FOXP2: variants seen among roughly 807,000 people sequenced by gnomAD.
The protein encoded by FOXP2 is forkhead box protein P2.
FOXP2 carries 12 observed loss-of-function variants against 115.8 expected under a neutral mutation model. The observed-to-expected ratio is 0.10, with a 90% CI of 0.07 to 0.17. The LOEUF (loss-of-function observed/expected upper bound fraction) is 0.17. Among genes scored for constraint, FOXP2 ranks in the 10% least tolerant of loss-of-function variants. The pLI is 1.00. For synonymous variants in FOXP2, 328 were observed against 297.7 expected (o/e 1.10, Z -1.05); for missense variants, 629 against 843.5 (o/e 0.75, Z 3.15).
chr7:114,376,136 T>C (rs1403142618), intron 2 of FOXP2, among the ~76,000 whole-genome samples: 2 of 152,054 alleles, frequency 1.3e-5, no homozygotes, highest in African/African-American at 4.8e-5. Flanking sequence ...AGGAGAAAAA[T>C]GGAAGAGGTA....
intron 2 of FOXP2, among the ~76,000 whole-genome samples, chr7:114,314,854 C>A (rs1450674595): frequency 1.3e-5 from 2 of 152,130 alleles, no homozygotes; most frequent in African/African-American, 4.8e-5. Flanking sequence ...TCTCCATATT[C>A]CACTAAAACT....
At chr7:114,230,880 A>T (rs1006249001) in intron 1 of FOXP2, among the ~76,000 whole-genome samples, 13 of 151,906 alleles carry the variant, frequency 8.6e-5, no homozygotes, top group Admixed American at 5.9e-4. Context: ...AATGATGTAA[A>T]AAAAGAAATA....
chr7:114,361,128 C>A (rs1267726283), intron 2 of FOXP2, among the ~76,000 whole-genome samples: 2 of 152,008 alleles, frequency 1.3e-5, no homozygotes. Context: ...TCAGAGGTCT[C>A]TCATCAGAGA....
intron 16 of FOXP2, among the ~76,000 whole-genome samples, chr7:114,684,396 C>G (rs759660326): frequency 3.9e-5 from 6 of 152,182 alleles, no homozygotes; most frequent in Non-Finnish European, 8.8e-5. Context: ...AAAACACACT[C>G]CTGCACAAGA....
intron 1 of FOXP2, among the ~76,000 whole-genome samples, chr7:114,416,943 G>A (rs147488447): frequency 3.3e-4 from 50 of 151,730 alleles, no homozygotes; most frequent in Admixed American, 1.6e-3. Flanking sequence ...ATATGCTCAC[G>A]TTTTATTTTA....
At chr7:114,535,345 G>C (rs1227658652) in intron 3 of FOXP2, among the ~76,000 whole-genome samples, 1 of 151,092 alleles carries the variant, frequency 6.6e-6, no homozygotes, top group African/African-American at 2.4e-5. Flanking sequence ...TTGGTGGGGG[G>C]GGAAACATTT....
intron 2 of FOXP2, among the ~76,000 whole-genome samples, chr7:114,307,158 C>T (rs1056545436): frequency 2.0e-4 from 31 of 151,992 alleles, no homozygotes; most frequent in Admixed American, 1.8e-3. Flanking sequence ...GAGTTGGTGA[C>T]GTTGTTGGCC....
At chr7:114,213,607 A>G (rs1252888105) in intron 1 of FOXP2, among the ~76,000 whole-genome samples, 1 of 152,166 alleles carries the variant, frequency 6.6e-6, no homozygotes, top group African/African-American at 2.4e-5. Flanking sequence ...TAATGTTTAT[A>G]GCAATTTGAA....
intron 1 of FOXP2, among the ~76,000 whole-genome samples, chr7:114,091,547 A>G (rs1274396097): frequency 6.6e-6 from 1 of 151,854 alleles, no homozygotes; most frequent in Non-Finnish European, 1.5e-5. Context: ...ATCTATACAG[A>G]TATTTGCCTA....
chr7:114,252,143 T>A (rs889484997), intron 1 of FOXP2, among the ~76,000 whole-genome samples: 2 of 152,164 alleles, frequency 1.3e-5, no homozygotes, highest in Admixed American at 6.5e-5. Context: ...GATGAAGCTC[T>A]CTTGATCATG....
intron 1 of FOXP2, among the ~76,000 whole-genome samples, chr7:114,137,043 A>G (rs1792060249): frequency 6.6e-6 from 1 of 152,046 alleles, no homozygotes; most frequent in Non-Finnish European, 1.5e-5. Context: ...AATGTGCTGT[A>G]TGAGTTTGCC....
intron 3 of FOXP2, among the ~76,000 whole-genome samples, chr7:114,588,392 T>C (rs1802260203): frequency 6.6e-6 from 1 of 152,230 alleles, no homozygotes; most frequent in Admixed American, 6.5e-5. Flanking sequence ...TTTAAAAGTA[T>C]ATATAAAATG....
At chr7:114,117,100 C>G (rs991616662) in intron 1 of FOXP2, among the ~76,000 whole-genome samples, 1 of 151,786 alleles carries the variant, frequency 6.6e-6, no homozygotes, top group African/African-American at 2.4e-5. Flanking sequence ...AAAAATTTTA[C>G]TTTGATTTAG....
chr7:114,562,933 A>G (rs544108953), intron 3 of FOXP2, among the ~76,000 whole-genome samples: 3 of 152,276 alleles, frequency 2.0e-5, no homozygotes, highest in Admixed American at 6.5e-5. Context: ...GTAACTTACA[A>G]AGCAAAAGAG....
At chr7:114,595,886 A>G (rs1028390720) in intron 3 of FOXP2, among the ~76,000 whole-genome samples, 2 of 152,076 alleles carry the variant, frequency 1.3e-5, no homozygotes, top group Admixed American at 1.3e-4. Context: ...AATTGAAGTC[A>G]GTTTGAAGGA....
intron 2 of FOXP2, among the ~76,000 whole-genome samples, chr7:114,461,913 G>C (rs1242480258): frequency 6.6e-6 from 1 of 151,224 alleles, no homozygotes; most frequent in African/African-American, 2.4e-5. Context: ...ACAGTTTCTA[G>C]CTCAAAAAAA....
chr7:114,548,017 G>A (rs1014889584), intron 3 of FOXP2, among the ~76,000 whole-genome samples: 7 of 152,186 alleles, frequency 4.6e-5, no homozygotes, highest in African/African-American at 1.2e-4. Flanking sequence ...GTAGTCCAGA[G>A]CTGACTGGTA....
At chr7:114,581,428 C>G (rs756358000) in intron 3 of FOXP2, among the ~76,000 whole-genome samples, 1 of 152,018 alleles carries the variant, frequency 6.6e-6, no homozygotes, top group Non-Finnish European at 1.5e-5. Flanking sequence ...AGACGTGAGC[C>G]ACTGTGCCTG....
At chr7:114,112,725 C>G (rs1437906242) in intron 1 of FOXP2, among the ~76,000 whole-genome samples, 2 of 152,030 alleles carry the variant, frequency 1.3e-5, no homozygotes, top group Non-Finnish European at 2.9e-5. Flanking sequence ...TGGAAATATA[C>G]CTAAAGGAAC....
Sources: allele counts gnomAD v4.1 joint callset (sites outside exome capture counted in the v4.1 genomes callset), GRCh38; gene constraint gnomAD v4.1.1; transcripts MANE v1.5; gene names NCBI Gene and HGNC (gene_info 2026-07-23, HGNC 2026-07-21).